The following MTUS2 variants were observed in gnomAD, a reference collection of about 807,000 sequenced individuals.
The protein encoded by MTUS2 is microtubule associated scaffold protein 2, also known as microtubule-associated tumor suppressor candidate 2.
Under a neutral mutation model 114.1 loss-of-function variants are expected in MTUS2, and 40 were observed. The observed-to-expected ratio is 0.35, with a 90% CI of 0.27 to 0.46. The LOEUF is 0.46. Among genes scored for constraint, MTUS2 ranks in the 20% least tolerant of loss-of-function variants. The pLI, the probability that MTUS2 is intolerant of heterozygous loss-of-function variation, is 1.00. For synonymous variants in MTUS2, 688 were observed against 672.0 expected, an observed-to-expected ratio of 1.02 and a Z score of -0.37; for missense variants, 1,679 against 1,705.4, an observed-to-expected ratio of 0.98 and a Z score of 0.27.
At chr13:29,187,203 A>T (rs1249008313) in intron 5 of MTUS2, among the ~76,000 whole-genome samples, 1 of 152,048 alleles carries the variant, frequency 6.6e-6, no homozygotes, top group Non-Finnish European at 1.5e-5. Context: ...ATCAGAAAAA[A>T]AAAAGTGTAA....
intron 5 of MTUS2, among the ~76,000 whole-genome samples, chr13:29,227,510 A>G (rs1896157392): frequency 6.6e-6 from 1 of 152,208 alleles, no homozygotes; most frequent in Non-Finnish European, 1.5e-5. Flanking sequence ...AGAAGCCAAG[A>G]ATTAAATCAA....
chr13:28,845,944 A>T (rs1875850874), intron 2 of MTUS2, among the ~76,000 whole-genome samples: 1 of 151,890 alleles, frequency 6.6e-6, no homozygotes, highest in Non-Finnish European at 1.5e-5. Flanking sequence ...GTTGCTTCTC[A>T]CTTCCAAATG....
In MTUS2 at chr13:29,422,758, G is replaced by A. The variant is rs370749225; in HGVS notation, c.3118-17225G>A. Among the ~76,000 whole-genome samples, 57 of 150,446 alleles carry A rather than the reference G, an allele frequency of 3.8e-4. 1 individual carries two copies. The highest frequency in any genetic ancestry group is 1.3e-3 in the African/African-American group (54 of 40,874). ...AGCTTACTGCAACCTCTGCCTCCTG[G>A]GTTCAAGCAATTCTCCTGCCTCAGC... is the stretch of plus-strand genomic sequence containing the variant. On this transcript the variant is annotated intron_variant, in intron 8 of 15. Coordinates refer to ENST00000612955, the MANE Select transcript of MTUS2 (RefSeq NM_001033602.4).
intron 5 of MTUS2, among the ~76,000 whole-genome samples, chr13:29,217,656 A>G (rs1463163227): frequency 6.6e-6 from 1 of 152,200 alleles, no homozygotes; most frequent in African/African-American, 2.4e-5. Context: ...AGTTTTTTAC[A>G]ATGACTGATT....
At chr13:28,948,366 G>C (rs1882639408) in intron 2 of MTUS2, among the ~76,000 whole-genome samples, 1 of 152,140 alleles carries the variant, frequency 6.6e-6, no homozygotes, top group Non-Finnish European at 1.5e-5. Flanking sequence ...ACAGGTAGAA[G>C]TTACAGGAGG....
At position 29,026,061 on chromosome 13, in the gene MTUS2, G is replaced by A; in HGVS notation, c.1363G>A (p.Glu455Lys). ...CAGCAAGCCCTTGGATGTCATTGAG[G>A]AGGAAAGGCGGTTGGGCAGTGGGAA... Reference protein sequence around the residue: ...TDSKPLDVIEEERRLGSGNKD... With the variant: ...TDSKPLDVIEKERRLGSGNKD... Residue 455 changes from glutamate to lysine, a missense_variant, in exon 3 of 16, where the codon GAG (glutamate) becomes AAG (lysine). Glu to Lys is a moderately conservative substitution (Grantham distance 56). This residue lies in a region of MTUS2 where 843 missense variants were observed against 770.8 expected (regional missense o/e 1.09). Coordinates refer to ENST00000612955, the MANE Select transcript of MTUS2 (RefSeq NM_001033602.4). The A allele has an allele frequency of 6.2e-7, 1 of 1,613,986 alleles. No individual in the cohort carries two copies. The highest frequency in any genetic ancestry group is 8.5e-7 in the Non-Finnish European group (1 of 1,179,880).
chr13:29,170,729 C>A (rs904737979), intron 5 of MTUS2, among the ~76,000 whole-genome samples: 1 of 152,190 alleles, frequency 6.6e-6, no homozygotes, highest in African/African-American at 2.4e-5. Context: ...TTAGGGCCAA[C>A]AGACAGCTTG....
intron 2 of MTUS2, among the ~76,000 whole-genome samples, chr13:28,958,220 G>A (rs111579727): frequency 2.0e-5 from 3 of 152,280 alleles, no homozygotes; most frequent in East Asian, 1.9e-4. Flanking sequence ...TGTGATCTCC[G>A]GCTGCCCCGG....
At chr13:28,966,724 CAAAAAAA>C (rs10597818) in intron 2 of MTUS2, among the ~76,000 whole-genome samples, 1 of 82,292 alleles carries the variant, frequency 1.2e-5, no homozygotes. Context: ...GACCCTGTCT[CAAAAAAA>C]AAAAAAAAAA....
At chr13:28,856,892 A>G (rs1399657217) in intron 2 of MTUS2, among the ~76,000 whole-genome samples, 1 of 152,194 alleles carries the variant, frequency 6.6e-6, no homozygotes, top group African/African-American at 2.4e-5. Flanking sequence ...AAACTCCACT[A>G]AAACTCCAAA....
chr13:29,238,727 A>G (rs544288219), intron 5 of MTUS2, among the ~76,000 whole-genome samples: 4 of 152,332 alleles, frequency 2.6e-5, no homozygotes, highest in East Asian at 1.9e-4. Context: ...TCCTTTGGCA[A>G]CACCCTCACA....
chr13:28,871,556 C>A (rs1479603346), intron 2 of MTUS2, among the ~76,000 whole-genome samples: 3 of 152,164 alleles, frequency 2.0e-5, no homozygotes, highest in Admixed American at 2.0e-4. Flanking sequence ...ATGTTGAGTG[C>A]TTACTATATA....
rs1491436199 is a variant in MTUS2, at chr13:29,505,455, G to GT, written c.*2252dup. ...ATTTCCACGTGGCCCTGGCTTCGTG[G>GT]TTTGTTTGTTTTTTTTCTTTTGTTA... On this transcript the variant is annotated 3_prime_UTR_variant, in exon 16 of 16. Coordinates refer to ENST00000612955, the MANE Select transcript of MTUS2 (RefSeq NM_001033602.4). 1.1e-3 allele frequency: 204 copies of GT among 184,414 alleles called. 1 individual carries two copies. The highest frequency in any genetic ancestry group is 2.9e-3 in the Middle Eastern group (2 of 682). The allele number at this position is 184,414 out of a possible 1,614,324, so 11.4% of individuals were successfully genotyped here. A position where few individuals can be genotyped will look rare whatever the true frequency, so the allele number is the denominator to read the frequency against.
At chr13:29,204,915 G>A (rs1401151858) in intron 5 of MTUS2, among the ~76,000 whole-genome samples, 1 of 152,206 alleles carries the variant, frequency 6.6e-6, no homozygotes, top group East Asian at 1.9e-4. Flanking sequence ...ATCATGGGGT[G>A]CAGCTGCAGT....
chr13:29,103,262 G>C (rs562799755), intron 5 of MTUS2, among the ~76,000 whole-genome samples: 2 of 152,134 alleles, frequency 1.3e-5, no homozygotes, highest in Admixed American at 6.5e-5. Flanking sequence ...CAGTGTCATC[G>C]TGGCGCAAAC....
chr13:29,315,447 T>C (rs1899948014), intron 6 of MTUS2, among the ~76,000 whole-genome samples: 3 of 152,348 alleles, frequency 2.0e-5, no homozygotes, highest in South Asian at 4.1e-4. Flanking sequence ...TATGTACAAT[T>C]ACTATGTGCC....
chr13:29,274,544 T>G (rs552705855), intron 5 of MTUS2, among the ~76,000 whole-genome samples: 38 of 152,342 alleles, frequency 2.5e-4, no homozygotes, highest in African/African-American at 8.7e-4. Context: ...GTCTATATTT[T>G]TATTATAGCT....
intron 5 of MTUS2, among the ~76,000 whole-genome samples, chr13:29,235,212 T>C (rs1425365381): frequency 6.6e-6 from 1 of 152,136 alleles, no homozygotes; most frequent in Non-Finnish European, 1.5e-5. Context: ...TTCTTCTGCC[T>C]CAGCCTTCCG....
At chr13:28,945,925 A>G (rs972008607) in intron 2 of MTUS2, among the ~76,000 whole-genome samples, 5 of 151,966 alleles carry the variant, frequency 3.3e-5, no homozygotes, top group African/African-American at 1.2e-4. Context: ...TCTGGTAGGT[A>G]CTCTTTTGAA....
Sources: allele counts gnomAD v4.1 joint callset (sites outside exome capture counted in the v4.1 genomes callset), GRCh38; gene constraint gnomAD v4.1.1; regional missense constraint gnomAD v4.1.1; transcripts MANE v1.5; gene names NCBI Gene and HGNC (gene_info 2026-07-23, HGNC 2026-07-21).